SLC11A2: variants seen among roughly 807,000 people sequenced by gnomAD.
SLC11A2 encodes the protein natural resistance-associated macrophage protein 2.
Under a neutral mutation model 68.0 loss-of-function variants are expected in SLC11A2, and 38 were observed. That is an observed-to-expected ratio of 0.56 (90% CI 0.43 to 0.73). The LOEUF is 0.73. SLC11A2 is among the 30% of genes least tolerant of loss of function. SLC11A2 has a pLI of 0.00. For missense variants in SLC11A2, 517 were observed against 690.5 expected, an observed-to-expected ratio of 0.75 and a Z score of 2.82; for synonymous variants, 242 against 250.6, an observed-to-expected ratio of 0.97 and a Z score of 0.32.
At chr12:50,980,004 T>C (rs920948805), downstream of SLC11A2, 2 of 451,168 alleles carry the variant, frequency 4.4e-6, no homozygotes, top group Non-Finnish European at 8.9e-6. Context: ...GGCCAGCAGA[T>C]TACTTGAGCT....
At chr12:51,014,590 G>A (rs1008739540) in intron 1 of SLC11A2, among the ~76,000 whole-genome samples, 1 of 152,186 alleles carries the variant, frequency 6.6e-6, no homozygotes, top group African/African-American at 2.4e-5. Flanking sequence ...GGTGGCTCAC[G>A]TCTCTAATCC....
At chr12:50,983,621 T>G (rs1358515280), downstream of SLC11A2, among the ~76,000 whole-genome samples, 2 of 152,056 alleles carry the variant, frequency 1.3e-5, no homozygotes, top group Non-Finnish European at 2.9e-5. Context: ...GCAGATCACT[T>G]GAGGTCAGGA....
intron 1 of SLC11A2, among the ~76,000 whole-genome samples, chr12:51,015,909 C>G (rs897593930): frequency 1.3e-5 from 2 of 152,146 alleles, no homozygotes; most frequent in African/African-American, 4.8e-5. Flanking sequence ...CTCAGCCTCC[C>G]TAGTAGCTGG....
intron 4 of SLC11A2, 37 bp from the exon 5 acceptor site, chr12:51,004,944 C>G (rs1393023089): frequency 6.2e-7 from 1 of 1,611,368 alleles, no homozygotes; most frequent in Non-Finnish European, 8.5e-7. Flanking sequence ...ACTCATTGAA[C>G]AACTGAGTTT....
At chr12:51,010,863 T>C (rs558832539) in intron 1 of SLC11A2, 97 bp from the exon 2 acceptor site, 1 of 514,982 alleles carries the variant, frequency 1.9e-6, no homozygotes, top group Non-Finnish European at 3.5e-6. Context: ...ATCCTTACTA[T>C]GAAAAGAGTA....
chr12:50,969,234 C>T, the SLC11A2 span, among the ~76,000 whole-genome samples: 81 of 152,064 alleles, frequency 5.3e-4, no homozygotes, highest in African/African-American at 1.9e-3. Flanking sequence ...GCGGAGGCTG[C>T]AGTGAGCCAA....
At position 50,991,630 on chromosome 12, in the gene SLC11A2, G is replaced by C; in HGVS notation, c.1390C>G (p.Arg464Gly). ...LIPILTFTSL[R>G]PVMSDFANGL... ...TTGGCAAAGTCACTCATTACTGGCC[G>C]CAAGCTCGTAAATGTGAGGATGGGT... Residue 464 changes from arginine to glycine, a missense_variant, in exon 14 of 16, where the codon CGG becomes GGG. By Grantham distance (125) the Arg-to-Gly change is moderately radical (BLOSUM62 -2). Coordinates refer to ENST00000262052, the MANE Select transcript of SLC11A2 (RefSeq NM_000617.3). 3.7e-6 allele frequency: 6 copies of C among 1,613,824 alleles called. No homozygotes were observed. Among genetic ancestry groups the C allele is most frequent in the Non-Finnish European group, 5.1e-6 (6 of 1,179,876 alleles).
chr12:51,028,862 C>G (rs560358291), upstream of SLC11A2, among the ~76,000 whole-genome samples: 40 of 152,204 alleles, frequency 2.6e-4, no homozygotes, highest in Non-Finnish European at 5.0e-4. Context: ...CACGCAAACT[C>G]CGGACTTGGT....
the SLC11A2 span, among the ~76,000 whole-genome samples, chr12:50,963,073 A>C: frequency 5.3e-5 from 8 of 151,958 alleles, no homozygotes; most frequent in African/African-American, 1.7e-4. Flanking sequence ...AGGAATTAGA[A>C]AAGAAAGGAA....
chr12:50,993,017 C>A, intron 11 of SLC11A2, 88 bp from the exon 12 acceptor site: 1 of 1,521,526 alleles, frequency 6.6e-7, no homozygotes, highest in Non-Finnish European at 9.0e-7. Context: ...GCATTTCTCC[C>A]TTCTTTGCTA....
intron 2 of SLC11A2, chr12:51,009,064 T>C (rs1258544373): frequency 1.0e-6 from 1 of 1,003,952 alleles, no homozygotes; most frequent in South Asian, 1.4e-5. Context: ...AGAAAAGAAC[T>C]AGGCCTGTCT....
the SLC11A2 span, among the ~76,000 whole-genome samples, chr12:50,960,047 T>C: frequency 0.062 from 9,477 of 152,264 alleles, 654 homozygotes; most frequent in East Asian, 0.28. Context: ...TGATGAGTTC[T>C]TTGTTTCAGA....
intron 11 of SLC11A2, among the ~76,000 whole-genome samples, chr12:50,993,530 C>A (rs1223368635): frequency 1.3e-5 from 2 of 150,446 alleles, no homozygotes; most frequent in African/African-American, 4.9e-5. Flanking sequence ...CCTGACTCTA[C>A]AAAAAAAATA....
chr12:51,025,887 C>T, intron 1 of SLC11A2: 1 of 989,262 alleles, frequency 1.0e-6, no homozygotes, highest in Non-Finnish European at 1.2e-6. Context: ...GGAGAGCAGC[C>T]CGGCCCCCTG....
chr12:50,958,000 T>C, the SLC11A2 span, among the ~76,000 whole-genome samples: 1 of 136,184 alleles, frequency 7.3e-6, no homozygotes, highest in Admixed American at 7.4e-5. Context: ...GAGGCAGGGT[T>C]TTACCATTTT....
the SLC11A2 span, among the ~76,000 whole-genome samples, chr12:50,956,146 C>T: frequency 6.6e-6 from 1 of 152,226 alleles, no homozygotes; most frequent in Non-Finnish European, 1.5e-5. Flanking sequence ...AATCCCAACA[C>T]TTTGGCAGGC....
downstream of SLC11A2, chr12:50,980,093 G>A (rs1475058749): frequency 2.6e-6 from 1 of 378,284 alleles, no homozygotes; most frequent in Non-Finnish European, 5.2e-6. Context: ...GGGTGTGGTG[G>A]TGTGTGCCTG....
chr12:50,969,638 G>A, the SLC11A2 span, among the ~76,000 whole-genome samples: 1 of 151,638 alleles, frequency 6.6e-6, no homozygotes, highest in Non-Finnish European at 1.5e-5. Flanking sequence ...AGCGGAGGTT[G>A]CAGTGAGCTG....
chr12:50,999,478 T>A, intron 6 of SLC11A2, 63 bp from the exon 7 acceptor site: 1 of 1,321,996 alleles, frequency 7.6e-7, no homozygotes, highest in Middle Eastern at 1.8e-4. Context: ...TGAAAAACAC[T>A]CTCTTCCCAA....
Sources: allele counts gnomAD v4.1 joint callset (sites outside exome capture counted in the v4.1 genomes callset), GRCh38; gene constraint gnomAD v4.1.1; transcripts MANE v1.5; gene names NCBI Gene and HGNC (gene_info 2026-07-23, HGNC 2026-07-21).